Variants in HERC2 observed in about 807,000 individuals in gnomAD.
The protein encoded by HERC2 is E3 ubiquitin-protein ligase HERC2.
Under a neutral mutation model 537.7 loss-of-function variants are expected in HERC2, and 102 were observed. The ratio of observed to expected loss-of-function variants is 0.19; its 90% CI spans 0.16 to 0.22. The LOEUF is 0.22. HERC2 is among the 10% of genes least tolerant of loss of function. The pLI, the probability that HERC2 is intolerant of heterozygous loss-of-function variation, is 1.00. For missense variants in HERC2, 4,236 were observed against 6,198.2 expected (o/e 0.68, Z 10.63); for synonymous variants, 2,224 against 2,466.2 (o/e 0.90, Z 2.91).
At chr15:28,247,415 A>G (rs1039247693) in intron 21 of HERC2, among the ~76,000 whole-genome samples, 3 of 139,626 alleles carry the variant, frequency 2.1e-5, no homozygotes, top group East Asian at 2.1e-4. Flanking sequence ...TTCTGTCTAC[A>G]TGGTTCTTTT....
rs1347843984 is a variant in HERC2 at position 28,130,305 on chromosome 15, GCA to G, written c.12663-5_12663-4del. ...ACCTGTGATAATCGCCTTTGCCCCT[GCA>G]CACAAAGGAAGCATGGAAATTATGG... On this transcript the variant is annotated splice_polypyrimidine_tract_variant and splice_region_variant and intron_variant, in intron 82 of 92. Transcript: ENST00000261609. 6.2e-6 allele frequency: 10 copies of G among 1,613,976 alleles called. No individual in the cohort carries two copies. The highest frequency in any genetic ancestry group is 2.7e-5 in the African/African-American group (2 of 74,888).
At chr15:28,274,604 C>T (rs2075822630) in intron 6 of HERC2, among the ~76,000 whole-genome samples, 157 bp from the exon 7 acceptor site, 1 of 152,228 alleles carries the variant, frequency 6.6e-6, no homozygotes, top group Non-Finnish European at 1.5e-5. Context: ...TTCTGTGTTT[C>T]ACGGCTGTCA....
chr15:28,202,386 A>G lies in HERC2; in HGVS notation c.7441T>C (p.Ser2481Pro). ...GCATTCCCGGAAGCACCAGTGAGAGACTTCAGGGCAAACTCGATGTTCCTT... is the reference window on the plus strand; with the variant it reads ...GCATTCCCGGAAGCACCAGTGAGAGGCTTCAGGGCAAACTCGATGTTCCTT... Reference protein sequence around the residue: ...SRRNIEFALKSLTGASGNASS... With the variant: ...SRRNIEFALKPLTGASGNASS... Residue 2481 changes from serine to proline, a missense_variant, in exon 46 of 93, where the codon TCT (serine) becomes CCT (proline). Around this residue, in one of 27 missense-constraint regions of HERC2, gnomAD observed 606 missense variants for 884.5 expected, o/e 0.69. Transcript: ENST00000261609. The G allele has an allele frequency of 6.2e-7, 1 of 1,613,634 alleles. No homozygotes were observed. Among genetic ancestry groups the G allele is most frequent in the Non-Finnish European group, 8.5e-7 (1 of 1,179,748 alleles).
intron 92 of HERC2, among the ~76,000 whole-genome samples, chr15:28,112,400 G>C (rs1418024590): frequency 6.6e-6 from 1 of 152,196 alleles, no homozygotes; most frequent in Non-Finnish European, 1.5e-5. Context: ...AAGATACTAG[G>C]AAACGGCAAG....
chr15:28,311,044 T>A (rs540016556), intron 2 of HERC2, among the ~76,000 whole-genome samples: 17 of 109,534 alleles, frequency 1.6e-4, no homozygotes, highest in South Asian at 3.3e-4. Flanking sequence ...ACCACAGCAC[T>A]CCAGCCTGGG....
chr15:28,236,015 C>T (rs12900211), intron 26 of HERC2, among the ~76,000 whole-genome samples: 2 of 152,114 alleles, frequency 1.3e-5, no homozygotes, highest in Non-Finnish European at 2.9e-5. Flanking sequence ...AAAACACAGT[C>T]CTCAAGTAGA....
intron 55 of HERC2, among the ~76,000 whole-genome samples, chr15:28,189,706 TGATG>T (rs1010995765): frequency 2.0e-5 from 3 of 152,196 alleles, no homozygotes; most frequent in African/African-American, 7.2e-5. Flanking sequence ...ATATTTGAGG[TGATG>T]GATACATTAT....
At chr15:28,121,872 G>A (rs1888930536) in intron 85 of HERC2, among the ~76,000 whole-genome samples, 2 of 151,518 alleles carry the variant, frequency 1.3e-5, no homozygotes, top group Admixed American at 1.3e-4. Context: ...GGAGCACCGC[G>A]GAGCCAGCCG....
Position 28,268,474 on chromosome 15 carries a change from C to T in HERC2, c.1589G>A (p.Gly530Glu), listed in dbSNP as rs2075631174. The change falls in exon 12 of 93, where the codon GGG becomes GAG. Residue 530 changes from glycine to glutamate, a missense_variant. By Grantham distance (98) the Gly-to-Glu change is moderately conservative (BLOSUM62 -2). Transcript: ENST00000261609. This position sits in a 1 kb window ranked among gnomAD's most constrained non-coding sequence, Gnocchi z 4.7. Reference sequence around the variant, plus strand: ...AATAAGCGATACATACACAGTGTCCCCATGGCCCAGCCGTCCGCCGTCCCC... The same window carrying T: ...AATAAGCGATACATACACAGTGTCCTCATGGCCCAGCCGTCCGCCGTCCCC... Reference protein sequence around the residue: ...GCGDGGRLGHGDTVPLEEPKV... With the variant: ...GCGDGGRLGHEDTVPLEEPKV... The T allele has an allele frequency of 1.9e-6, 3 of 1,613,678 alleles. No individual in the cohort carries two copies. The highest frequency in any genetic ancestry group is 2.5e-6 in the Non-Finnish European group (3 of 1,179,840).
At chr15:28,114,889 CA>C in intron 89 of HERC2, 87 bp from the exon 90 acceptor site, 1 of 1,134,382 alleles carries the variant, frequency 8.8e-7, no homozygotes. Flanking sequence ...CTCTGTCAAG[CA>C]GGAACCAGGG....
intron 55 of HERC2, among the ~76,000 whole-genome samples, chr15:28,187,695 T>C (rs1461062875): frequency 6.6e-6 from 1 of 152,144 alleles, no homozygotes; most frequent in Non-Finnish European, 1.5e-5. Context: ...AAACAATAAC[T>C]CCCATATCAC....
At chr15:28,214,366 G>T in intron 40 of HERC2, 94 bp from the exon 41 acceptor site, 2 of 1,112,536 alleles carry the variant, frequency 1.8e-6, no homozygotes, top group Non-Finnish European at 1.4e-6. Context: ...ACGGCACTGC[G>T]CCGCTCTTCA....
intron 39 of HERC2, among the ~76,000 whole-genome samples, chr15:28,215,158 T>C (rs1899755566): frequency 6.6e-6 from 1 of 152,086 alleles, no homozygotes; most frequent in Non-Finnish European, 1.5e-5. Flanking sequence ...ATTACAGGCA[T>C]GAGCCACTGC....
At chr15:28,232,022 T>TTA (rs1901913126) in intron 30 of HERC2, among the ~76,000 whole-genome samples, 1 of 151,970 alleles carries the variant, frequency 6.6e-6, no homozygotes, top group Admixed American at 6.6e-5. Context: ...CATGCCTGGG[T>TTA]TAAAGGAATC....
chr15:28,247,025 C>A, intron 21 of HERC2, 128 bp from the exon 22 acceptor site: 1 of 782,996 alleles, frequency 1.3e-6, no homozygotes, highest in Non-Finnish European at 2.1e-6. Flanking sequence ...AAACAGAAGC[C>A]TGTTAACCCT....
In HERC2 at chr15:28,198,518, A is replaced by G; in HGVS notation, c.7886-15T>C. 6.2e-7 allele frequency: 1 copy of G among 1,612,744 alleles called. No homozygotes were observed. The highest frequency in any genetic ancestry group is 8.5e-7 in the Non-Finnish European group (1 of 1,179,734). On this transcript the variant is annotated splice_polypyrimidine_tract_variant and intron_variant, in intron 49 of 92. Transcript: ENST00000261609. ...TGGAGGATAGCCTACAGATGTCAAT[A>G]ACAAATCATTATAATCAATATTCAT...
chr15:28,134,847 AT>A (rs1194362630), intron 79 of HERC2, among the ~76,000 whole-genome samples: 2 of 150,342 alleles, frequency 1.3e-5, no homozygotes, highest in Non-Finnish European at 3.0e-5. Flanking sequence ...ATTTTTTTCT[AT>A]TTTTTGTAGA....
chr15:28,298,918 C>G (rs1596428700), intron 3 of HERC2, among the ~76,000 whole-genome samples: 1 of 152,200 alleles, frequency 6.6e-6, no homozygotes, highest in East Asian at 1.9e-4. Context: ...GACTCTCAAG[C>G]AGGGGGACCA....
At chr15:28,251,505 C>T (rs2075081044) in intron 20 of HERC2, among the ~76,000 whole-genome samples, 1 of 148,304 alleles carries the variant, frequency 6.7e-6, no homozygotes, top group African/African-American at 2.5e-5. Context: ...ACACATAAAA[C>T]TAATTTTAAT....
Sources: allele counts gnomAD v4.1 joint callset (sites outside exome capture counted in the v4.1 genomes callset), GRCh38; gene constraint gnomAD v4.1.1; regional missense constraint gnomAD v4.1.1; non-coding constraint Gnocchi (gnomAD v3.1); transcripts MANE v1.5; gene names NCBI Gene and HGNC (gene_info 2026-07-23, HGNC 2026-07-21).